Variants in DOCK11 observed in about 807,000 individuals in gnomAD.
The protein encoded by DOCK11 is dedicator of cytokinesis protein 11.
DOCK11 carries 70 observed loss-of-function variants against 169.1 expected under a neutral mutation model. That is an observed-to-expected ratio of 0.41 (90% CI 0.34 to 0.51). The LOEUF (loss-of-function observed/expected upper bound fraction) is 0.51, where lower values mean the gene tolerates loss of function less well. Ranked by LOEUF, DOCK11 falls within the 20% of genes least tolerant of loss-of-function variation. The pLI is 0.10. For missense variants in DOCK11, 1,166 were observed against 1,538.8 expected (o/e 0.76, Z 4.05); for synonymous variants, 529 against 541.3 (o/e 0.98, Z 0.32).
Position 118,654,958 on chromosome X carries a change from A to G in DOCK11, c.4966A>G (p.Lys1656Glu). Reference protein sequence around the residue: ...AALVAEFLHRKKLFPNGCSAF... With the variant: ...AALVAEFLHREKLFPNGCSAF... ...TCTAGTTGCAGAGTTTCTTCATCGA[A>G]AAAGTAAGATATTTCTGTTTTTAGA... The change falls in exon 44 of 53, where the codon AAA becomes GAA. Residue 1656 changes from lysine (K) to glutamate (E), a missense_variant. By Grantham distance (56) the Lys-to-Glu change is moderately conservative. Coordinates refer to ENST00000276202, the MANE Select transcript of DOCK11 (RefSeq NM_144658.4). 1 of 1,206,204 alleles carries G rather than the reference A, an allele frequency of 8.3e-7. No individual in the cohort carries two copies. Among genetic ancestry groups the G allele is most frequent in the Non-Finnish European group, 1.1e-6 (1 of 890,600 alleles).
At chrX:118,638,905 G>A (rs1301710757) in intron 37 of DOCK11, among the ~76,000 whole-genome samples, 1 of 112,202 alleles carries the variant, frequency 8.9e-6, no homozygotes, top group African/African-American at 3.2e-5. Flanking sequence ...TTCTTCCTTA[G>A]TCCATGTATG....
chrX:118,642,274 G>C (rs374844658), intron 39 of DOCK11, among the ~76,000 whole-genome samples: 130 of 111,816 alleles, frequency 1.2e-3, no homozygotes, highest in African/African-American at 3.7e-3. Context: ...ATCAGGCACT[G>C]TCCTAAGTGC....
intron 31 of DOCK11, among the ~76,000 whole-genome samples, chrX:118,623,670 G>A (rs1244806083): frequency 1.8e-5 from 2 of 113,016 alleles, no homozygotes; most frequent in Non-Finnish European, 3.7e-5. Context: ...CAATTAACAC[G>A]TGACAAATTG....
At chrX:118,570,113 A>G (rs1035406655) in intron 10 of DOCK11, among the ~76,000 whole-genome samples, 2 of 112,317 alleles carry the variant, frequency 1.8e-5, no homozygotes, top group Admixed American at 9.5e-5. Context: ...GGAGAAACCC[A>G]TGTTGTATCT....
intron 32 of DOCK11, among the ~76,000 whole-genome samples, chrX:118,625,321 A>AT (rs960400962): frequency 1.8e-5 from 2 of 110,089 alleles, no homozygotes; most frequent in Middle Eastern, 4.3e-3. Flanking sequence ...TGCCTGGCTA[A>AT]TTTTTTTGTA....
rs760421794 is a variant in DOCK11 at position 118,501,054 on chromosome X, A to G, written c.102+4981A>G. ...TTTAATGACTGCCTAAATTTTCATT[A>G]TGGGTGTACCAGAGGTAATTATCAT... On this transcript the variant is annotated intron_variant, in intron 1 of 52. Transcript: ENST00000276202. Among the ~76,000 whole-genome samples the G allele has an allele frequency of 6.2e-5, 7 of 112,291 alleles. No individual in the cohort carries two copies. The East Asian group carries it at 1.4e-3, about 22-fold the overall frequency.
In DOCK11 at chrX:118,610,346, T is replaced by C. The variant is rs771851455; in HGVS notation, c.3024T>C (p.His1008=). 4 of 1,211,268 alleles carry C rather than the reference T, an allele frequency of 3.3e-6. No homozygotes were observed. Among genetic ancestry groups the C allele is most frequent in the Middle Eastern group, 4.6e-4 (2 of 4,354 alleles). ...CACTGCTTCTTGCAATAATTCCCCATGTGACTATTCGGTATGCGGAGATTC... is the reference window on the plus strand; with the variant it reads ...CACTGCTTCTTGCAATAATTCCCCACGTGACTATTCGGTATGCGGAGATTC... ...LHSLLLAIIP[H]VTIRYAEIPD... The change falls in exon 28 of 53, where the codon CAT becomes CAC. Residue 1008 remains histidine (H), a synonymous_variant. Coordinates refer to ENST00000276202, the MANE Select transcript of DOCK11 (RefSeq NM_144658.4).
At position 118,543,619 on chromosome X, in the gene DOCK11, T is replaced by C. The variant is rs373778558; in HGVS notation, c.392+26T>C. The C allele has an allele frequency of 3.9e-4, 449 of 1,140,876 alleles. 5 individuals carry two copies. In the South Asian group the frequency reaches 7.5e-3, roughly 19 times the overall value. The allele number at this position is 1,140,876 out of a possible 1,213,427, so 94.0% of individuals were successfully genotyped here. A position where few individuals can be genotyped will look rare whatever the true frequency, so the allele number is the denominator to read the frequency against. On this transcript the variant is annotated intron_variant, in intron 4 of 52. Coordinates refer to ENST00000276202, the MANE Select transcript of DOCK11 (RefSeq NM_144658.4). ...GTAAGTTTAGCATTCCAGGGAAACA[T>C]GCAACAGGAGAATTATTAAGCTTTT...
At chrX:118,645,684 T>C (rs2015640686) in intron 40 of DOCK11, among the ~76,000 whole-genome samples, 1 of 107,557 alleles carries the variant, frequency 9.3e-6, no homozygotes, top group African/African-American at 3.4e-5. Context: ...TCATAATTAT[T>C]ATATGTTCTA....
At chrX:118,665,135 G>T (rs887721594) in intron 45 of DOCK11, among the ~76,000 whole-genome samples, 4 of 112,085 alleles carry the variant, frequency 3.6e-5, no homozygotes, top group African/African-American at 1.3e-4. Context: ...AAAAAGTCAT[G>T]AAGTGTGAGA....
At chrX:118,647,802 TA>T (rs1275347828) in intron 40 of DOCK11, among the ~76,000 whole-genome samples, 14 of 44,133 alleles carry the variant, frequency 3.2e-4, no homozygotes, top group African/African-American at 6.3e-4. Context: ...TTATAATATA[TA>T]ATAATATATA....
chrX:118,586,516 C>T (rs1206893825), intron 16 of DOCK11, among the ~76,000 whole-genome samples: 1 of 111,536 alleles, frequency 9.0e-6, no homozygotes, highest in African/African-American at 3.3e-5. Flanking sequence ...ACATTCACCT[C>T]CCACCAGGTC....
At chrX:118,638,171 C>G in intron 37 of DOCK11, 44 bp downstream of exon 37, 1 of 1,119,899 alleles carries the variant, frequency 8.9e-7, no homozygotes. Context: ...CCTTCTCTTC[C>G]AACAGAGGGC....
At chrX:118,657,655 A>T (rs1223882148) in intron 44 of DOCK11, among the ~76,000 whole-genome samples, 2 of 111,967 alleles carry the variant, frequency 1.8e-5, no homozygotes, top group East Asian at 5.6e-4. Context: ...CAACTATGCT[A>T]GCTATACCGA....
chrX:118,588,726 A>G (rs775720919), intron 18 of DOCK11, among the ~76,000 whole-genome samples: 6 of 112,368 alleles, frequency 5.3e-5, no homozygotes, highest in East Asian at 2.8e-4. Flanking sequence ...TGATTTTGCA[A>G]TTGCTTCAAT....
intron 1 of DOCK11, among the ~76,000 whole-genome samples, chrX:118,499,738 A>T (rs756055447): frequency 1.1e-3 from 126 of 111,868 alleles, no homozygotes; most frequent in Non-Finnish European, 2.1e-3. Context: ...AAGCATTTCC[A>T]GTTCAGAGGC....
chrX:118,546,210 C>CAAAAAAAAAAAA lies in DOCK11; in HGVS notation c.558+104_558+115dup, dbSNP rs1556269491. 5.2e-3 allele frequency: 254 copies of CAAAAAAAAAAAA among 49,261 alleles called. 18 individuals carry two copies. Among genetic ancestry groups the CAAAAAAAAAAAA allele is most frequent in the African/African-American group, 0.019 (211 of 11,376 alleles). The allele number at this position is 49,261 out of a possible 1,213,427, so 4.1% of individuals were successfully genotyped here. A position where few individuals can be genotyped will look rare whatever the true frequency, so the allele number is the denominator to read the frequency against. ...ATATTTATTTTACAAAGAGCCCTAG[C>CAAAAAAAAAAAA]AAAAAAAAAAAAAAAAAAAAAGGAG... On this transcript the variant is annotated intron_variant, in intron 6 of 52. Coordinates refer to ENST00000276202, the MANE Select transcript of DOCK11 (RefSeq NM_144658.4).
intron 1 of DOCK11, among the ~76,000 whole-genome samples, chrX:118,532,286 G>C (rs2011610830): frequency 9.0e-6 from 1 of 111,519 alleles, no homozygotes; most frequent in Admixed American, 9.5e-5. Flanking sequence ...AGAGAGACAA[G>C]AATTGGGAAA....
intron 6 of DOCK11, among the ~76,000 whole-genome samples, chrX:118,559,273 C>G (rs2012825474): frequency 8.9e-6 from 1 of 111,901 alleles, no homozygotes; most frequent in Admixed American, 9.6e-5. Flanking sequence ...ATGTTTTGCT[C>G]TGTATTTTCT....
Sources: gnomAD v4.1 joint callset for allele counts (sites outside exome capture counted in the v4.1 genomes callset) on GRCh38, gnomAD v4.1.1 for gene constraint, MANE v1.5 for transcripts, NCBI Gene and HGNC (gene_info 2026-07-23, HGNC 2026-07-21) for gene names.